DPYD: variants seen among roughly 807,000 people sequenced by gnomAD.
DPYD encodes the protein dihydropyrimidine dehydrogenase [NADP(+)].
In DPYD, 109 loss-of-function variants were observed where a neutral mutation model predicts 116.2. The ratio of observed to expected loss-of-function variants is 0.94; its 90% confidence interval spans 0.80 to 1.10. The LOEUF (loss-of-function observed/expected upper bound fraction) is 1.10, where lower values mean the gene tolerates loss of function less well. Ranked by LOEUF, DPYD falls within the 50% of genes least tolerant of loss-of-function variation. The pLI is 0.00. For synonymous variants in DPYD, 440 were observed against 432.0 expected, an observed-to-expected ratio of 1.02 and a Z score of -0.23; for missense variants, 1,302 against 1,254.5, an observed-to-expected ratio of 1.04 and a Z score of -0.57.
At chr1:97,368,181 C>T (rs1015614712) in intron 16 of DPYD, among the ~76,000 whole-genome samples, 9 of 152,082 alleles carry the variant, frequency 5.9e-5, no homozygotes, top group South Asian at 2.1e-4. Context: ...AACTTTGATA[C>T]GCCAAAATAA....
chr1:97,875,433 T>C (rs1254056872), intron 2 of DPYD, among the ~76,000 whole-genome samples: 1 of 151,978 alleles, frequency 6.6e-6, no homozygotes, highest in Non-Finnish European at 1.5e-5. Context: ...AGAGGCATAA[T>C]TGAGATTTTC....
At chr1:97,257,452 T>TATATATATATATATAGAGAGAGAGAGAG (rs375490078) in intron 18 of DPYD, among the ~76,000 whole-genome samples, 26 of 126,454 alleles carry the variant, frequency 2.1e-4, no homozygotes, top group African/African-American at 7.6e-4. Context: ...TATATATATA[T>TATATATATATATATAGAGAGAGAGAGAG]AGAGAGAGAG....
At chr1:97,328,034 T>A (rs1668794941) in intron 16 of DPYD, among the ~76,000 whole-genome samples, 1 of 152,044 alleles carries the variant, frequency 6.6e-6, no homozygotes, top group African/African-American at 2.4e-5. Flanking sequence ...GGGCAACTGA[T>A]GAAGGAGATA....
At chr1:97,656,517 C>T (rs115368645) in intron 8 of DPYD, among the ~76,000 whole-genome samples, 2,655 of 152,200 alleles carry the variant, frequency 0.017, 41 homozygotes, top group Non-Finnish European at 0.026. Flanking sequence ...GATACTTCTC[C>T]AGTCTGGTTA....
At chr1:97,477,867 G>A (rs540589373) in intron 13 of DPYD, among the ~76,000 whole-genome samples, 7 of 152,076 alleles carry the variant, frequency 4.6e-5, no homozygotes, top group East Asian at 1.9e-4. Flanking sequence ...TGATCCACCC[G>A]CCTCGGCCTC....
intron 1 of DPYD, among the ~76,000 whole-genome samples, chr1:97,898,403 C>T (rs556276141): frequency 6.6e-6 from 1 of 151,912 alleles, no homozygotes; most frequent in South Asian, 2.1e-4. Context: ...AAGGATTCCA[C>T]CAGGCTTTGT....
At chr1:97,719,165 C>CAAAAAAAAA in intron 5 of DPYD, among the ~76,000 whole-genome samples, 1 of 48,218 alleles carries the variant, frequency 2.1e-5, no homozygotes, top group Non-Finnish European at 3.8e-5. Context: ...CCAACCCTGC[C>CAAAAAAAAA]AAAAAAAAAA....
At chr1:97,451,116 C>T (rs568697881) in intron 13 of DPYD, among the ~76,000 whole-genome samples, 3 of 152,028 alleles carry the variant, frequency 2.0e-5, no homozygotes, top group African/African-American at 7.2e-5. Context: ...AACATGAACC[C>T]CCATTAGTAT....
At chr1:97,637,498 T>A (rs1023259916) in intron 8 of DPYD, among the ~76,000 whole-genome samples, 2 of 150,620 alleles carry the variant, frequency 1.3e-5, no homozygotes, top group African/African-American at 5.0e-5. Context: ...AGGAAAAGTT[T>A]TCCCCCCCTC....
At chr1:97,130,887 T>TTCCTTCCTTCC (rs1653282971) in intron 20 of DPYD, among the ~76,000 whole-genome samples, 1 of 111,376 alleles carries the variant, frequency 9.0e-6, no homozygotes, top group East Asian at 3.3e-4. Context: ...TCCTTCCTTC[T>TTCCTTCCTTCC]TTCCTCCCTC....
chr1:97,285,842 T>C (rs1450502247), intron 18 of DPYD, among the ~76,000 whole-genome samples: 1 of 152,118 alleles, frequency 6.6e-6, no homozygotes, highest in Non-Finnish European at 1.5e-5. Context: ...TATATTTTAG[T>C]GAGACTTTTG....
chr1:97,356,486 T>C (rs555820624), intron 16 of DPYD, among the ~76,000 whole-genome samples: 1 of 152,300 alleles, frequency 6.6e-6, no homozygotes, highest in East Asian at 1.9e-4. Flanking sequence ...CAGGTAGCAA[T>C]ATTTGCTGTT....
At chr1:97,423,771 C>T (rs1258173986) in intron 14 of DPYD, among the ~76,000 whole-genome samples, 2 of 152,178 alleles carry the variant, frequency 1.3e-5, no homozygotes, top group East Asian at 3.9e-4. Context: ...ACTGTCACTT[C>T]AGGTTCCAGC....
At chr1:97,436,963 C>G (rs1675504678) in intron 14 of DPYD, among the ~76,000 whole-genome samples, 1 of 151,498 alleles carries the variant, frequency 6.6e-6, no homozygotes, top group Admixed American at 6.6e-5. Context: ...TTAAGTTAAA[C>G]CAATTTTTTA....
At chr1:97,439,739 A>T in intron 14 of DPYD, among the ~76,000 whole-genome samples, 1 of 150,930 alleles carries the variant, frequency 6.6e-6, no homozygotes, top group South Asian at 2.1e-4. Flanking sequence ...TCTTTATTAT[A>T]TCATTTATTT....
chr1:97,255,708 G>GTTTTT (rs11428644), intron 18 of DPYD, among the ~76,000 whole-genome samples: 5 of 149,190 alleles, frequency 3.4e-5, no homozygotes, highest in African/African-American at 1.2e-4. Flanking sequence ...TATTTTTGCC[G>GTTTTT]TTTTTTTTTT....
intron 10 of DPYD, among the ~76,000 whole-genome samples, chr1:97,591,472 A>G (rs1455684757): frequency 6.6e-6 from 1 of 152,190 alleles, no homozygotes; most frequent in Non-Finnish European, 1.5e-5. Context: ...TGTAGTTTTA[A>G]TAAATGAATG....
intron 20 of DPYD, among the ~76,000 whole-genome samples, chr1:97,140,021 C>T (rs973475495): frequency 9.5e-5 from 14 of 147,546 alleles, no homozygotes; most frequent in African/African-American, 3.7e-4. Flanking sequence ...AGGCAACTGA[C>T]ATTTTTTTTT....
chr1:97,512,995 T>TA (rs149985838), intron 13 of DPYD, among the ~76,000 whole-genome samples: 6,659 of 151,810 alleles, frequency 0.044, 502 homozygotes, highest in African/African-American at 0.15. Flanking sequence ...TATTTGACAT[T>TA]AAAAATATGA....
Sources: gnomAD v4.1 joint callset for allele counts (sites outside exome capture counted in the v4.1 genomes callset) on GRCh38, gnomAD v4.1.1 for gene constraint, MANE v1.5 for transcripts, NCBI Gene and HGNC (gene_info 2026-07-23, HGNC 2026-07-21) for gene names.